Variants in PKHD1 observed in about 807,000 individuals in gnomAD.
PKHD1 encodes fibrocystin.
Under a neutral mutation model 412.0 loss-of-function variants are expected in PKHD1, and 291 were observed. That is an observed-to-expected ratio of 0.71 (90% CI 0.64 to 0.78). PKHD1 has a LOEUF of 0.78. Ranked by LOEUF, PKHD1 falls within the 30% of genes least tolerant of loss-of-function variation. The pLI is 0.00. For missense variants in PKHD1, 4,825 were observed against 4,950.7 expected, an observed-to-expected ratio of 0.97 and a Z score of 0.76; for synonymous variants, 1,777 against 1,821.5, an observed-to-expected ratio of 0.98 and a Z score of 0.62.
chr6:51,889,672 T>A lies in PKHD1; in HGVS notation c.6997-2427A>T, dbSNP rs138830359. Among the ~76,000 whole-genome samples, 378 of 152,318 alleles carry A rather than the reference T, an allele frequency of 2.5e-3. 3 individuals are homozygous for A. The highest frequency in any genetic ancestry group is 8.1e-3 in the African/African-American group (338 of 41,572). Reference sequence around the variant, plus strand: ...GATGAGGGACAGTATTCTTTACTCTTGGCCATCACAAGGTGCTCTGATAGG... The same window carrying A: ...GATGAGGGACAGTATTCTTTACTCTAGGCCATCACAAGGTGCTCTGATAGG... On this transcript the variant is annotated intron_variant, in intron 43 of 66. Coordinates refer to ENST00000371117, the MANE Select transcript of PKHD1 (RefSeq NM_138694.4).
chr6:51,794,097 C>A (rs1359107605), intron 52 of PKHD1, among the ~76,000 whole-genome samples: 1 of 145,198 alleles, frequency 6.9e-6, no homozygotes, highest in Non-Finnish European at 1.5e-5. Context: ...CGTGCAGTGG[C>A]GTGATCTCGG....
At chr6:52,033,352 C>A (rs1285975555) in intron 28 of PKHD1, among the ~76,000 whole-genome samples, 187 bp from the exon 29 acceptor site, 1 of 152,172 alleles carries the variant, frequency 6.6e-6, no homozygotes, top group African/African-American at 2.4e-5. Context: ...CATCCTGCCC[C>A]CACACCCACA....
chr6:51,874,704 G>A (rs977164773), intron 46 of PKHD1, among the ~76,000 whole-genome samples: 4 of 151,980 alleles, frequency 2.6e-5, no homozygotes, highest in Non-Finnish European at 4.4e-5. Flanking sequence ...CAAGGCGGGC[G>A]GATCACGAGG....
chr6:52,002,315 G>C (rs62406011), intron 35 of PKHD1, among the ~76,000 whole-genome samples: 7,923 of 152,272 alleles, frequency 0.052, 280 homozygotes, highest in East Asian at 0.11. Flanking sequence ...TAGTCAGACA[G>C]GGACATTGCT....
intron 52 of PKHD1, among the ~76,000 whole-genome samples, chr6:51,794,964 C>G (rs1794369238): frequency 6.6e-6 from 1 of 152,102 alleles, no homozygotes; most frequent in African/African-American, 2.4e-5. Flanking sequence ...TCACATGATG[C>G]CTCTAGCTTT....
In PKHD1 at chr6:52,054,156, C is replaced by T. The variant is rs769867380; in HGVS notation, c.1846G>A (p.Ala616Thr). 11 of 1,613,926 alleles carry T rather than the reference C, an allele frequency of 6.8e-6. No homozygotes were observed. Among genetic ancestry groups the T allele is most frequent in the Non-Finnish European group, 9.3e-6 (11 of 1,179,822 alleles). ...RLDQYTHLCL[A>T]YKGHMNKILK... The stretch of plus-strand genomic sequence containing the variant: ...ATCTTGTTCATGTGGCCTTTGTATG[C>T]AAGACACAGCTATGGACACCAAATA... Residue 616 changes from alanine to threonine, a missense_variant, in exon 20 of 67, where the codon GCA becomes ACA. By Grantham distance (58) the Ala-to-Thr change is moderately conservative (BLOSUM62 0). Transcript: ENST00000371117.
At chr6:51,623,424 T>C (rs1390199931) in intron 66 of PKHD1, among the ~76,000 whole-genome samples, 2 of 152,156 alleles carry the variant, frequency 1.3e-5, no homozygotes, top group African/African-American at 4.8e-5. Context: ...CATTGACCTA[T>C]ACAATTTTTT....
intron 37 of PKHD1, among the ~76,000 whole-genome samples, chr6:51,927,372 A>T (rs1785819764): frequency 6.6e-6 from 1 of 152,134 alleles, no homozygotes; most frequent in South Asian, 2.1e-4. Context: ...GACAGGGAGA[A>T]AACATCTCCT....
Position 52,056,880 on chromosome 6 carries a change from A to C in PKHD1, c.1602+10T>G, listed in dbSNP as rs1434345139. On this transcript the variant is annotated intron_variant, in intron 17 of 66. Transcript: ENST00000371117. ...ACTCCCCTCCCTCATTTTTTGAAGAAGTCTCCCACCAGATGGGCTGTGGCA... is the reference window on the plus strand; with the variant it reads ...ACTCCCCTCCCTCATTTTTTGAAGACGTCTCCCACCAGATGGGCTGTGGCA... 1.2e-6 allele frequency: 2 copies of C among 1,608,274 alleles called. No individual in the cohort carries two copies. Among genetic ancestry groups the C allele is most frequent in the East Asian group, 2.2e-5 (1 of 44,842 alleles).
chr6:51,925,697 A>C (rs1785469358), intron 37 of PKHD1, among the ~76,000 whole-genome samples: 1 of 152,146 alleles, frequency 6.6e-6, no homozygotes, highest in African/African-American at 2.4e-5. Context: ...TGGCCTTCTG[A>C]CTGGAACTTA....
chr6:51,912,736 A>G (rs973694365), intron 37 of PKHD1, among the ~76,000 whole-genome samples, 160 bp from the exon 38 acceptor site: 1 of 152,102 alleles, frequency 6.6e-6, no homozygotes, highest in African/African-American at 2.4e-5. Flanking sequence ...ATTTTTTTAT[A>G]TTAGTTTTGT....
At chr6:52,057,324 C>G (rs1415845362) in intron 16 of PKHD1, among the ~76,000 whole-genome samples, 1 of 152,228 alleles carries the variant, frequency 6.6e-6, no homozygotes, top group Non-Finnish European at 1.5e-5. Context: ...GGCATGCACC[C>G]TCTCTTGGAG....
At chr6:51,986,277 G>A (rs1041941254) in intron 35 of PKHD1, among the ~76,000 whole-genome samples, 2 of 152,068 alleles carry the variant, frequency 1.3e-5, no homozygotes, top group African/African-American at 2.4e-5. Flanking sequence ...GGAGAGGTGG[G>A]GAATTTATCA....
intron 40 of PKHD1, 146 bp downstream of exon 40, chr6:51,909,137 T>C (rs1364106933): frequency 1.4e-6 from 1 of 724,862 alleles, no homozygotes; most frequent in Non-Finnish European, 2.4e-6. Flanking sequence ...CATACTGAAG[T>C]TTGGGAACCA....
chr6:51,951,449 G>GA (rs1382079896), intron 36 of PKHD1, among the ~76,000 whole-genome samples: 3 of 151,998 alleles, frequency 2.0e-5, no homozygotes, highest in Non-Finnish European at 4.4e-5. Flanking sequence ...AGTTAGCACT[G>GA]ACCCAATCTC....
At chr6:51,765,479 G>A (rs1004494551) in intron 55 of PKHD1, among the ~76,000 whole-genome samples, 5 of 152,088 alleles carry the variant, frequency 3.3e-5, no homozygotes, top group African/African-American at 1.2e-4. Context: ...CTCTGCGCCA[G>A]CTATAGTGAC....
intron 37 of PKHD1, among the ~76,000 whole-genome samples, chr6:51,930,185 G>A (rs1384604893): frequency 6.6e-6 from 1 of 152,152 alleles, no homozygotes. Context: ...AAAGGCAAGA[G>A]TGAAATTTCC....
chr6:51,699,865 T>C (rs576509144), intron 60 of PKHD1, among the ~76,000 whole-genome samples: 1 of 150,552 alleles, frequency 6.6e-6, no homozygotes, highest in African/African-American at 2.4e-5. Flanking sequence ...CGAGAACTAT[T>C]ATGCTGGGAA....
intron 48 of PKHD1, among the ~76,000 whole-genome samples, chr6:51,861,488 G>T (rs1221511359): frequency 6.6e-6 from 1 of 152,140 alleles, no homozygotes; most frequent in Non-Finnish European, 1.5e-5. Flanking sequence ...ACCTCAAATT[G>T]TGTTGCAAAC....
Sources: gnomAD v4.1 joint callset for allele counts (sites outside exome capture counted in the v4.1 genomes callset) on GRCh38, gnomAD v4.1.1 for gene constraint, MANE v1.5 for transcripts, NCBI Gene and HGNC (gene_info 2026-07-23, HGNC 2026-07-21) for gene names.